The following AFF1 variants were observed in gnomAD, a reference collection of about 807,000 sequenced individuals.
AFF1 encodes the protein ALF transcription elongation factor 1, also known as AF4/FMR2 family member 1.
Under a neutral mutation model 121.7 loss-of-function variants are expected in AFF1, and 48 were observed. The observed-to-expected ratio is 0.39, with a 90% CI of 0.31 to 0.50. AFF1 has a LOEUF of 0.50. Ranked by LOEUF, AFF1 falls within the 20% of genes least tolerant of loss-of-function variation. The probability of loss-of-function intolerance (pLI) is 0.76; values close to 1 mark genes in which losing one functional copy is unlikely to be tolerated. For synonymous variants in AFF1, 613 were observed against 563.0 expected, an observed-to-expected ratio of 1.09 and a Z score of -1.26; for missense variants, 1,523 against 1,511.7, an observed-to-expected ratio of 1.01 and a Z score of -0.12.
At chr4:87,114,213 C>T (rs1335989846) in intron 11 of AFF1, among the ~76,000 whole-genome samples, 154 bp from the exon 12 acceptor site, 1 of 152,172 alleles carries the variant, frequency 6.6e-6, no homozygotes, top group East Asian at 1.9e-4. Context: ...TGTTATAGAA[C>T]TTATAACTTG....
chr4:87,129,530 G>A (rs1311867870), intron 16 of AFF1, among the ~76,000 whole-genome samples: 1 of 152,226 alleles, frequency 6.6e-6, no homozygotes, highest in African/African-American at 2.4e-5. Context: ...AAGAGATGGT[G>A]TTGAATAAGT....
chr4:87,023,056 A>T (rs559483932), intron 2 of AFF1, among the ~76,000 whole-genome samples: 1 of 151,714 alleles, frequency 6.6e-6, no homozygotes, highest in Admixed American at 6.6e-5. Context: ...GCAGGCACAC[A>T]CCACCATGCC....
intron 2 of AFF1, among the ~76,000 whole-genome samples, chr4:86,982,070 C>T (rs1352803716): frequency 6.6e-6 from 1 of 152,134 alleles, no homozygotes; most frequent in Non-Finnish European, 1.5e-5. Context: ...AATGAAGTTA[C>T]AGAAGAAATA....
intron 2 of AFF1, among the ~76,000 whole-genome samples, chr4:86,952,273 G>C (rs1435177979): frequency 6.6e-6 from 1 of 152,070 alleles, no homozygotes; most frequent in Admixed American, 6.5e-5. Context: ...TCATCAGTTA[G>C]AGTTGACTAC....
chr4:86,963,249 T>C (rs563311581), intron 2 of AFF1, among the ~76,000 whole-genome samples: 2 of 152,062 alleles, frequency 1.3e-5, no homozygotes, highest in Non-Finnish European at 2.9e-5. Context: ...TTTTATCCTT[T>C]TAGGTTAAGT....
chr4:87,006,388 G>C (rs746601231), intron 2 of AFF1, among the ~76,000 whole-genome samples: 1 of 152,130 alleles, frequency 6.6e-6, no homozygotes, highest in East Asian at 1.9e-4. Context: ...GCTTCGTATA[G>C]GACTTACTAT....
chr4:87,130,238 G>A (rs1464391674), intron 16 of AFF1, among the ~76,000 whole-genome samples: 15 of 152,160 alleles, frequency 9.9e-5, no homozygotes, highest in Non-Finnish European at 1.5e-4. Context: ...CTCCCAAAGT[G>A]CTGGGATTAC....
intron 2 of AFF1, among the ~76,000 whole-genome samples, chr4:86,967,866 A>G (rs1485658783): frequency 6.6e-6 from 1 of 152,184 alleles, no homozygotes; most frequent in African/African-American, 2.4e-5. Flanking sequence ...CTAAGTCTAG[A>G]GTTCATTGGG....
At chr4:87,095,798 A>T (rs946828295) in intron 8 of AFF1, among the ~76,000 whole-genome samples, 4 of 145,642 alleles carry the variant, frequency 2.7e-5, no homozygotes, top group Admixed American at 1.4e-4. Flanking sequence ...GATGGTATTG[A>T]ACTCTTACTA....
intron 15 of AFF1, 92 bp from the exon 16 acceptor site, chr4:87,127,551 C>T: frequency 8.5e-7 from 1 of 1,172,468 alleles, no homozygotes; most frequent in Non-Finnish European, 1.3e-6. Flanking sequence ...CCCTTGCTGT[C>T]CTCCCATCCT....
At chr4:86,951,920 CT>C (rs35412461) in intron 2 of AFF1, among the ~76,000 whole-genome samples, 21,783 of 137,858 alleles carry the variant, frequency 0.16, 1,818 homozygotes, top group Non-Finnish European at 0.2. Context: ...GGCTGGGAAC[CT>C]TTTTTTTTTT....
intron 16 of AFF1, among the ~76,000 whole-genome samples, chr4:87,129,277 A>G (rs1017145482): frequency 6.6e-6 from 1 of 152,238 alleles, no homozygotes; most frequent in African/African-American, 2.4e-5. Flanking sequence ...TGTTCCAAAT[A>G]GTTACCTATC....
chr4:86,938,101 A>G (rs1026314185), intron 1 of AFF1, among the ~76,000 whole-genome samples: 1 of 152,218 alleles, frequency 6.6e-6, no homozygotes. Flanking sequence ...GCTCTAGACC[A>G]TTAACTAATT....
intron 8 of AFF1, among the ~76,000 whole-genome samples, chr4:87,099,867 C>G (rs1405679108): frequency 6.6e-6 from 1 of 152,186 alleles, no homozygotes; most frequent in Admixed American, 6.5e-5. Flanking sequence ...AGTTACACTT[C>G]AGGGAAAAGA....
At chr4:86,976,173 G>T (rs1327352740) in intron 2 of AFF1, among the ~76,000 whole-genome samples, 1 of 152,132 alleles carries the variant, frequency 6.6e-6, no homozygotes, top group African/African-American at 2.4e-5. Context: ...GGGAGGGTTG[G>T]CTGTAGGGCT....
intron 12 of AFF1, among the ~76,000 whole-genome samples, chr4:87,120,657 G>T (rs1288297747): frequency 6.6e-6 from 1 of 152,188 alleles, no homozygotes; most frequent in African/African-American, 2.4e-5. Flanking sequence ...GAATAAGGTG[G>T]TTACCGCGTC....
chr4:87,125,618 C>T (rs1431273897), intron 13 of AFF1, among the ~76,000 whole-genome samples: 1 of 152,090 alleles, frequency 6.6e-6, no homozygotes, highest in Non-Finnish European at 1.5e-5. Flanking sequence ...AGAGGGGTGG[C>T]AGGTGAGAAG....
chr4:87,111,533 T>C (rs1385586148), intron 11 of AFF1, among the ~76,000 whole-genome samples: 1 of 151,868 alleles, frequency 6.6e-6, no homozygotes, highest in Non-Finnish European at 1.5e-5. Context: ...TTTGTATTTT[T>C]AGTAGAGACG....
At chr4:87,060,018 T>C (rs1331616281) in intron 4 of AFF1, among the ~76,000 whole-genome samples, 4 of 152,190 alleles carry the variant, frequency 2.6e-5, no homozygotes, top group African/African-American at 9.7e-5. Flanking sequence ...AATGCTTGGC[T>C]TAACAGAGGG....
Sources: allele counts gnomAD v4.1 joint callset (sites outside exome capture counted in the v4.1 genomes callset), GRCh38; gene constraint gnomAD v4.1.1; transcripts MANE v1.5; gene names NCBI Gene and HGNC (gene_info 2026-07-23, HGNC 2026-07-21).